CES5A: variants seen among roughly 807,000 people sequenced by gnomAD.
CES5A encodes carboxylesterase 5.
A neutral mutation model predicts 62.9 loss-of-function variants in CES5A; 67 were observed. The ratio of observed to expected loss-of-function variants is 1.07; its 90% CI spans 0.88 to 1.31. The LOEUF is 1.31. Ranked by LOEUF, CES5A falls within the 50% of genes most tolerant of loss-of-function variation. CES5A has a pLI of 0.00. For synonymous variants in CES5A, 296 were observed against 280.8 expected (o/e 1.05, Z -0.54); for missense variants, 748 against 708.5 (o/e 1.06, Z -0.63).
Position 55,869,827 on chromosome 16 carries a change from G to A in CES5A, c.418-83C>T, listed in dbSNP as rs1291804398. On this transcript the variant is annotated intron_variant, in intron 3 of 12. Coordinates refer to ENST00000290567, the MANE Select transcript of CES5A (RefSeq NM_001143685.2). Reference sequence around the variant, plus strand: ...GCAGTTTGAGGCACACGTTCTTAAGGTGAAATATAAATGTCCCACTTGCTA... The same window carrying A: ...GCAGTTTGAGGCACACGTTCTTAAGATGAAATATAAATGTCCCACTTGCTA... The A allele has an allele frequency of 4.7e-6, 7 of 1,488,614 alleles. No individual in the cohort carries two copies. In the African/African-American group the frequency reaches 5.6e-5, roughly 12 times the overall value. The allele number at this position is 1,488,614 out of a possible 1,614,324, so 92.2% of individuals were successfully genotyped here.
At chr16:55,914,075 T>C (rs1411692544) in intron 1 of CES5A, among the ~76,000 whole-genome samples, 1 of 152,216 alleles carries the variant, frequency 6.6e-6, no homozygotes, top group Admixed American at 6.5e-5. Flanking sequence ...CAGTTAAATG[T>C]GAATTTCTAG....
chr16:55,872,806 G>A (rs1362991623), intron 2 of CES5A, among the ~76,000 whole-genome samples: 4 of 152,058 alleles, frequency 2.6e-5, no homozygotes, highest in Admixed American at 2.6e-4. Flanking sequence ...CCTAATGGTT[G>A]CCCTTGCCAT....
At chr16:55,866,860 TAAAC>T (rs1401779281) in intron 4 of CES5A, among the ~76,000 whole-genome samples, 6 of 151,510 alleles carry the variant, frequency 4.0e-5, no homozygotes, top group East Asian at 1.9e-4. Flanking sequence ...AATAAAAAAA[TAAAC>T]AAACAAACAA....
intron 6 of CES5A, 87 bp from the exon 7 acceptor site, chr16:55,861,603 C>G: frequency 7.8e-6 from 7 of 896,102 alleles, no homozygotes; most frequent in African/African-American, 1.6e-5. Context: ...CAATCAGCCA[C>G]AGGCTGGCCC....
chr16:55,880,503 T>C (rs2033750464), intron 1 of CES5A, among the ~76,000 whole-genome samples: 1 of 152,124 alleles, frequency 6.6e-6, no homozygotes, highest in Non-Finnish European at 1.5e-5. Flanking sequence ...ATCTACCTTT[T>C]TACCCAAATC....
chr16:55,941,192 A>G (rs2034441938), intron 2 of CES5A, among the ~76,000 whole-genome samples: 1 of 152,074 alleles, frequency 6.6e-6, no homozygotes, highest in South Asian at 2.1e-4. Context: ...ACAGACTAGA[A>G]AAGAAGAAAT....
At position 55,854,384 on chromosome 16, in the gene CES5A, C is replaced by T. The variant is rs182310413; in HGVS notation, c.1126-1356G>A. 2.2e-3 allele frequency among the ~76,000 whole-genome samples: 337 copies of T among 151,982 alleles called. 2 individuals carry two copies. Among genetic ancestry groups the T allele is most frequent in the African/African-American group, 7.7e-3 (321 of 41,448 alleles). ...ATCAATGAGCATCTTCTCCATGAGG[C>T]CATCTCCAATCCACCTGAGAATTCC... On this transcript the variant is annotated intron_variant, in intron 9 of 12. Transcript: ENST00000290567.
intron 1 of CES5A, among the ~76,000 whole-genome samples, chr16:55,890,065 A>G (rs6416765): frequency 0.23 from 35,168 of 152,110 alleles, 5,066 homozygotes; most frequent in Non-Finnish European, 0.32. Context: ...GAAATTTTGA[A>G]TGCCCTTGAT....
chr16:55,949,811 A>T, exon 2 of CES5A: 1 of 1,507,604 alleles, frequency 6.6e-7, no homozygotes. Flanking sequence ...GTAGTTTAAG[A>T]CATCAATCCT....
At chr16:55,955,304 A>G (rs992935785) in intron 1 of CES5A, among the ~76,000 whole-genome samples, 1 of 152,220 alleles carries the variant, frequency 6.6e-6, no homozygotes, top group Non-Finnish European at 1.5e-5. Context: ...AATTTTTTTA[A>G]TAAGTAATTT....
chr16:55,939,869 CAA>C (rs2034428679), intron 2 of CES5A, among the ~76,000 whole-genome samples: 1 of 151,510 alleles, frequency 6.6e-6, no homozygotes, highest in African/African-American at 2.4e-5. Flanking sequence ...AAGAGAAAAA[CAA>C]GAGGAAAATA....
At chr16:55,900,859 C>T (rs565112977) in intron 1 of CES5A, among the ~76,000 whole-genome samples, 7 of 152,314 alleles carry the variant, frequency 4.6e-5, no homozygotes, top group Admixed American at 3.3e-4. Flanking sequence ...GCCCAAGTTT[C>T]GTTCAAACAC....
chr16:55,897,719 A>G (rs1311936587), intron 1 of CES5A, among the ~76,000 whole-genome samples: 1 of 152,246 alleles, frequency 6.6e-6, no homozygotes, highest in Non-Finnish European at 1.5e-5. Flanking sequence ...CTGACAGTGG[A>G]CACATGTCTT....
At chr16:55,954,231 T>G (rs1254087581) in intron 1 of CES5A, among the ~76,000 whole-genome samples, 2 of 152,204 alleles carry the variant, frequency 1.3e-5, no homozygotes, top group African/African-American at 4.8e-5. Flanking sequence ...ATCAAACACC[T>G]GCCTGTTGAT....
intron 2 of CES5A, among the ~76,000 whole-genome samples, chr16:55,931,266 T>C (rs2034308894): frequency 6.6e-6 from 1 of 152,208 alleles, no homozygotes; most frequent in Admixed American, 6.5e-5. Flanking sequence ...ACACAACATG[T>C]ATTAGACAGA....
intron 1 of CES5A, among the ~76,000 whole-genome samples, chr16:55,908,424 A>C (rs1268384128): frequency 5.9e-5 from 9 of 152,114 alleles, no homozygotes; most frequent in African/African-American, 1.9e-4. Context: ...CAATGGTTGC[A>C]ATCTTGGCTC....
chr16:55,912,121 G>A (rs2034099602), intron 1 of CES5A, among the ~76,000 whole-genome samples: 1 of 152,092 alleles, frequency 6.6e-6, no homozygotes, highest in Admixed American at 6.5e-5. Context: ...ATTCTCATGG[G>A]CCTGACTGTC....
intron 1 of CES5A, among the ~76,000 whole-genome samples, chr16:55,909,221 A>G (rs574682497): frequency 8.1e-4 from 123 of 152,168 alleles, no homozygotes; most frequent in African/African-American, 2.8e-3. Context: ...GCCAGGGTGA[A>G]TTTTCTCATT....
intron 11 of CES5A, among the ~76,000 whole-genome samples, chr16:55,847,129 C>T (rs1597106061): frequency 6.6e-6 from 1 of 152,130 alleles, no homozygotes; most frequent in Admixed American, 6.5e-5. Flanking sequence ...GGACACAGAC[C>T]AGCTTGCTCC....
Sources: gnomAD v4.1 joint callset for allele counts (sites outside exome capture counted in the v4.1 genomes callset) on GRCh38, gnomAD v4.1.1 for gene constraint, MANE v1.5 for transcripts, NCBI Gene and HGNC (gene_info 2026-07-23, HGNC 2026-07-21) for gene names.